The following NAALADL2 variants were observed in gnomAD, a reference collection of about 807,000 sequenced individuals.
The protein encoded by NAALADL2 is N-acetylated alpha-linked acidic dipeptidase like 2.
A neutral mutation model predicts 87.2 loss-of-function variants in NAALADL2; 76 were observed. That is an observed-to-expected ratio of 0.87 (90% confidence interval 0.72 to 1.05). The LOEUF (loss-of-function observed/expected upper bound fraction) is 1.05. NAALADL2 is among the 50% of genes least tolerant of loss of function. The pLI is 0.00. For missense variants in NAALADL2, 1,089 were observed against 945.8 expected, an observed-to-expected ratio of 1.15 and a Z score of -1.99; for synonymous variants, 354 against 331.0, an observed-to-expected ratio of 1.07 and a Z score of -0.75.
chr3:175,320,105 A>G (rs949898843), intron 4 of NAALADL2, among the ~76,000 whole-genome samples: 30 of 152,144 alleles, frequency 2.0e-4, no homozygotes, highest in African/African-American at 7.2e-4. Flanking sequence ...GTTCTCCTTT[A>G]TTATCTTTAT....
chr3:175,377,248 G>A (rs944445086), intron 5 of NAALADL2, among the ~76,000 whole-genome samples: 1 of 152,072 alleles, frequency 6.6e-6, no homozygotes, highest in African/African-American at 2.4e-5. Flanking sequence ...GGAGGCAGAG[G>A]ATGCAGTGAG....
chr3:175,467,420 C>T (rs1227110680), intron 8 of NAALADL2, among the ~76,000 whole-genome samples: 1 of 152,128 alleles, frequency 6.6e-6, no homozygotes, highest in African/African-American at 2.4e-5. Context: ...AACCCTGATA[C>T]AGTCTAACAC....
rs577175763 is a variant in NAALADL2, at chr3:174,580,124, G to C, written c.-115+29487G>C. On this transcript the variant is annotated intron_variant, in intron 2 of 3. Coordinates refer to the NAALADL2 transcript ENST00000434257. ...TTCCTGAAAAAAAATAAGGAAAAAT[G>C]TGTAAGGATATAAATACAAGTATTT... is the stretch of plus-strand genomic sequence containing the variant. Among the ~76,000 whole-genome samples, 8 of 152,092 alleles carry C rather than the reference G, an allele frequency of 5.3e-5. No homozygotes were observed. The South Asian group carries it at 1.2e-3, about 24-fold the overall frequency.
At chr3:175,506,674 A>C (rs908821228) in intron 9 of NAALADL2, among the ~76,000 whole-genome samples, 11 of 152,218 alleles carry the variant, frequency 7.2e-5, no homozygotes, top group Non-Finnish European at 5.9e-5. Context: ...AAATTCAGAA[A>C]TGTACTTATT....
chr3:174,760,664 C>T (rs896100581), intron 3 of NAALADL2, among the ~76,000 whole-genome samples: 1 of 152,166 alleles, frequency 6.6e-6, no homozygotes, highest in African/African-American at 2.4e-5. Flanking sequence ...TCTTGCTGTC[C>T]TTGTTGCTGC....
intron 11 of NAALADL2, chr3:175,655,661 G>A (rs1731354532): frequency 6.5e-6 from 1 of 153,926 alleles, no homozygotes; most frequent in South Asian, 2.0e-4. Flanking sequence ...TAAGTATTAT[G>A]TAACAAAGGG....
intron 2 of NAALADL2, among the ~76,000 whole-genome samples, chr3:175,219,868 CTT>C (rs201278819): frequency 2.1e-4 from 24 of 116,374 alleles, no homozygotes; most frequent in Admixed American, 2.4e-4. Flanking sequence ...GGTTTTCTTT[CTT>C]TTTTTTTTTT....
intron 2 of NAALADL2, among the ~76,000 whole-genome samples, chr3:174,718,827 C>A (rs1731444999): frequency 1.3e-5 from 2 of 152,142 alleles, no homozygotes; most frequent in African/African-American, 2.4e-5. Context: ...AAATGATATT[C>A]TTTTAGGCAA....
At chr3:175,435,252 A>C (rs988363629) in intron 5 of NAALADL2, among the ~76,000 whole-genome samples, 3 of 152,030 alleles carry the variant, frequency 2.0e-5, no homozygotes, top group Non-Finnish European at 4.4e-5. Flanking sequence ...TCTTTAAAGA[A>C]CACGTTAATG....
At chr3:174,712,380 CTTTTTT>C (rs1169827021) in intron 2 of NAALADL2, among the ~76,000 whole-genome samples, 2 of 70,432 alleles carry the variant, frequency 2.8e-5, no homozygotes, top group South Asian at 6.2e-4. Context: ...TTCTCCTCTT[CTTTTTT>C]TTTTTTTTTT....
At chr3:174,763,255 G>A (rs1006547546) in intron 3 of NAALADL2, among the ~76,000 whole-genome samples, 5 of 151,950 alleles carry the variant, frequency 3.3e-5, no homozygotes, top group African/African-American at 1.2e-4. Flanking sequence ...TTAATATGAT[G>A]AAATTTCACA....
intron 4 of NAALADL2, among the ~76,000 whole-genome samples, chr3:175,302,243 G>A (rs1757175186): frequency 1.3e-5 from 2 of 152,110 alleles, no homozygotes; most frequent in South Asian, 2.1e-4. Context: ...TACAGAAAGA[G>A]GAAGACAATT....
intron 2 of NAALADL2, among the ~76,000 whole-genome samples, chr3:175,130,457 T>C (rs1229980470): frequency 2.0e-5 from 3 of 152,208 alleles, no homozygotes; most frequent in Non-Finnish European, 4.4e-5. Context: ...TGTTTTCTTC[T>C]AGGAGTTTAT....
chr3:175,667,215 G>GAA (rs1181954127), intron 11 of NAALADL2, among the ~76,000 whole-genome samples: 15 of 122,488 alleles, frequency 1.2e-4, no homozygotes, highest in African/African-American at 6.8e-4. Context: ...AAGAAAGAAA[G>GAA]AAAGAAAGAA....
intron 1 of NAALADL2, among the ~76,000 whole-genome samples, chr3:174,972,912 C>G (rs945279571): frequency 6.7e-6 from 1 of 150,210 alleles, no homozygotes; most frequent in Non-Finnish European, 1.5e-5. Flanking sequence ...AGGAGAGTTG[C>G]TTGAACCTGG....
intron 10 of NAALADL2, among the ~76,000 whole-genome samples, chr3:175,591,283 CTTAAT>C (rs1721413017): frequency 6.6e-6 from 1 of 151,968 alleles, no homozygotes; most frequent in African/African-American, 2.4e-5. Flanking sequence ...TGAAATTTAA[CTTAAT>C]TTAAACAGAA....
At chr3:174,533,251 T>C (rs1721413243) in intron 1 of NAALADL2, among the ~76,000 whole-genome samples, 1 of 151,838 alleles carries the variant, frequency 6.6e-6, no homozygotes, top group African/African-American at 2.4e-5. Context: ...TCATGGCGAC[T>C]GGCCAAGGAG....
intron 2 of NAALADL2, among the ~76,000 whole-genome samples, chr3:175,198,947 A>G (rs1239082819): frequency 6.6e-6 from 1 of 152,146 alleles, no homozygotes; most frequent in Non-Finnish European, 1.5e-5. Flanking sequence ...TGCTGTTTTC[A>G]TCAGAAGCTC....
At chr3:175,765,629 G>A (rs1378715031) in intron 13 of NAALADL2, among the ~76,000 whole-genome samples, 1 of 152,032 alleles carries the variant, frequency 6.6e-6, no homozygotes, top group African/African-American at 2.4e-5. Context: ...TCAGTTTTAA[G>A]GTGTATTCTC....
Sources: allele counts gnomAD v4.1 joint callset (sites outside exome capture counted in the v4.1 genomes callset), GRCh38; gene constraint gnomAD v4.1.1; transcripts MANE v1.5; gene names NCBI Gene and HGNC (gene_info 2026-07-23, HGNC 2026-07-21).